The following GABRA4 variants were observed in gnomAD, a reference collection of about 807,000 sequenced individuals.
GABRA4 encodes gamma-aminobutyric acid type A receptor subunit alpha4, also known as gamma-aminobutyric acid receptor subunit alpha-4.
In GABRA4, 12 loss-of-function variants were observed where a neutral mutation model predicts 49.7. The ratio of observed to expected loss-of-function variants is 0.24; its 90% CI spans 0.15 to 0.39. The LOEUF (loss-of-function observed/expected upper bound fraction) is 0.39, where lower values mean the gene tolerates loss of function less well. GABRA4 is among the 10% of genes least tolerant of loss of function. GABRA4 has a pLI of 1.00. For synonymous variants in GABRA4, 288 were observed against 240.2 expected (o/e 1.20, Z -1.84); for missense variants, 506 against 686.0 (o/e 0.74, Z 2.93).
chr4:46,981,146 A>T (rs558516066), intron 2 of GABRA4, among the ~76,000 whole-genome samples: 7 of 152,142 alleles, frequency 4.6e-5, no homozygotes, highest in African/African-American at 1.7e-4. Flanking sequence ...TGTTCACTTT[A>T]CTCTATTTTA....
intron 8 of GABRA4, among the ~76,000 whole-genome samples, chr4:46,954,588 C>T (rs1722279679): frequency 6.7e-6 from 1 of 150,024 alleles, no homozygotes; most frequent in Admixed American, 6.6e-5. Flanking sequence ...GCAGAGCAAA[C>T]TTGCATTAGT....
At chr4:46,990,754 T>C (rs895924342) in intron 2 of GABRA4, among the ~76,000 whole-genome samples, 1 of 152,224 alleles carries the variant, frequency 6.6e-6, no homozygotes, top group Non-Finnish European at 1.5e-5. Flanking sequence ...TGGAAGATCA[T>C]GCATTGACAA....
At chr4:46,985,265 T>A (rs1723491357) in intron 2 of GABRA4, among the ~76,000 whole-genome samples, 1 of 151,910 alleles carries the variant, frequency 6.6e-6, no homozygotes, top group African/African-American at 2.4e-5. Context: ...AAGAAATAAT[T>A]TTAAAAGGAC....
chr4:46,947,192 T>C (rs1447197087), intron 8 of GABRA4, among the ~76,000 whole-genome samples: 1 of 152,030 alleles, frequency 6.6e-6, no homozygotes, highest in Non-Finnish European at 1.5e-5. Context: ...TTTTAAGATA[T>C]TCTTTGCCTG....
At chr4:46,936,464 G>A (rs973438011) in intron 8 of GABRA4, among the ~76,000 whole-genome samples, 9 of 152,058 alleles carry the variant, frequency 5.9e-5, no homozygotes, top group Non-Finnish European at 8.8e-5. Context: ...TTGTCAGGCT[G>A]GTCTCGAACT....
At chr4:46,975,038 A>G (rs565310757) in intron 5 of GABRA4, among the ~76,000 whole-genome samples, 4 of 151,722 alleles carry the variant, frequency 2.6e-5, no homozygotes, top group African/African-American at 9.7e-5. Context: ...TCTTCAACAA[A>G]TCTCTCCCGG....
At chr4:46,980,579 A>T (rs1196564653) in intron 2 of GABRA4, among the ~76,000 whole-genome samples, 1 of 152,116 alleles carries the variant, frequency 6.6e-6, no homozygotes, top group Admixed American at 6.6e-5. Flanking sequence ...GTATAGTAAG[A>T]GAAAAAGTCT....
chr4:46,975,109 G>A (rs1395495361), intron 5 of GABRA4, among the ~76,000 whole-genome samples: 2 of 151,914 alleles, frequency 1.3e-5, no homozygotes, highest in African/African-American at 4.8e-5. Context: ...ACAGCTGCTT[G>A]CTTACCAGTC....
Position 46,928,352 on chromosome 4 carries a change from G to C in GABRA4, c.1538C>G (p.Ser513Cys). 1 of 1,613,606 alleles carries C rather than the reference G, an allele frequency of 6.2e-7. No individual in the cohort carries two copies. The highest frequency in any genetic ancestry group is 8.5e-7 in the Non-Finnish European group (1 of 1,179,662). ...ATATTTGTCTATTTTACTTGTGCCA[G>C]ATCCAGAAGGTGGTGGAGCCGATGG... ...PPPSAPPPSG[S>C]GTSKIDKYAR... Residue 513 changes from serine to cysteine, a missense_variant, in exon 9 of 9, where the codon TCT (serine) becomes TGT (cysteine). By Grantham distance (112) the Ser-to-Cys change is moderately radical. Coordinates refer to ENST00000264318, the MANE Select transcript of GABRA4 (RefSeq NM_000809.4).
At chr4:46,991,511 C>T (rs1237086391) in intron 2 of GABRA4, among the ~76,000 whole-genome samples, 1 of 152,186 alleles carries the variant, frequency 6.6e-6, no homozygotes, top group African/African-American at 2.4e-5. Context: ...GGCAGTCCTG[C>T]TCCCCATTCT....
At chr4:46,944,689 G>T (rs993270207) in intron 8 of GABRA4, among the ~76,000 whole-genome samples, 19 of 151,926 alleles carry the variant, frequency 1.3e-4, no homozygotes, top group African/African-American at 3.6e-4. Context: ...TAATTTCCAA[G>T]ATAGTATCTA....
intron 8 of GABRA4, among the ~76,000 whole-genome samples, chr4:46,955,669 G>A (rs1158708291): frequency 1.3e-5 from 2 of 152,004 alleles, no homozygotes; most frequent in Non-Finnish European, 2.9e-5. Context: ...CATACTGACA[G>A]TTGATAGGTA....
rs533861283 is a variant in GABRA4 at position 46,974,678 on chromosome 4, T to C, written c.578-303A>G. Among the ~76,000 whole-genome samples the C allele has an allele frequency of 3.3e-5, 5 of 152,044 alleles. No homozygotes were observed. In the South Asian group the frequency reaches 1.0e-3, roughly 31 times the overall value. On this transcript the variant is annotated intron_variant, in intron 5 of 8. Coordinates refer to ENST00000264318, the MANE Select transcript of GABRA4 (RefSeq NM_000809.4). ...CTACATATGCATGAATACACTTGGA[T>C]GTGTGTCCATGCCAGTAGGATAAAC...
At chr4:46,978,277 C>A (rs1011570226) in intron 3 of GABRA4, among the ~76,000 whole-genome samples, 2 of 151,992 alleles carry the variant, frequency 1.3e-5, no homozygotes, top group Non-Finnish European at 2.9e-5. Context: ...GGATGGGCAG[C>A]AAGCAATTAG....
intron 8 of GABRA4, among the ~76,000 whole-genome samples, chr4:46,947,274 C>A (rs940078119): frequency 5.3e-5 from 8 of 152,028 alleles, no homozygotes; most frequent in African/African-American, 1.2e-4. Flanking sequence ...TTACCCCATT[C>A]CCCTAAGGCA....
intron 8 of GABRA4, among the ~76,000 whole-genome samples, chr4:46,941,105 T>C (rs1721771836): frequency 6.6e-6 from 1 of 151,850 alleles, no homozygotes; most frequent in South Asian, 2.1e-4. Context: ...AGCACATTAA[T>C]GTATACTGCC....
chr4:46,959,054 G>C (rs1443444010), intron 8 of GABRA4, among the ~76,000 whole-genome samples: 1 of 151,894 alleles, frequency 6.6e-6, no homozygotes, highest in East Asian at 1.9e-4. Context: ...ATAATTCTTA[G>C]AATAAATATT....
chr4:46,987,307 C>A (rs534825075), intron 2 of GABRA4, among the ~76,000 whole-genome samples: 149 of 152,270 alleles, frequency 9.8e-4, no homozygotes, highest in African/African-American at 3.3e-3. Context: ...TATGCTTTTA[C>A]TGAATTACGA....
At chr4:46,974,435 T>C in intron 5 of GABRA4, 60 bp from the exon 6 acceptor site, 1 of 1,476,388 alleles carries the variant, frequency 6.8e-7, no homozygotes. Context: ...ACATCAGTGG[T>C]CAACACTTAA....
Sources: gnomAD v4.1 joint callset for allele counts (sites outside exome capture counted in the v4.1 genomes callset) on GRCh38, gnomAD v4.1.1 for gene constraint, MANE v1.5 for transcripts, NCBI Gene and HGNC (gene_info 2026-07-23, HGNC 2026-07-21) for gene names.